NPAS3: variants seen among roughly 807,000 people sequenced by gnomAD.
NPAS3 encodes the protein neuronal PAS domain-containing protein 3.
Under a neutral mutation model 73.1 loss-of-function variants are expected in NPAS3, and 14 were observed. The ratio of observed to expected loss-of-function variants is 0.19; its 90% confidence interval spans 0.13 to 0.30. The LOEUF is 0.30. Among genes scored for constraint, NPAS3 ranks in the 10% least tolerant of loss-of-function variants. NPAS3 has a pLI of 1.00. For synonymous variants in NPAS3, 620 were observed against 541.5 expected (o/e 1.14, Z -2.01); for missense variants, 1,096 against 1,250.0 (o/e 0.88, Z 1.86).
chr14:33,115,970 C>T (rs2043051404), intron 2 of NPAS3, among the ~76,000 whole-genome samples: 1 of 152,036 alleles, frequency 6.6e-6, no homozygotes, highest in African/African-American at 2.4e-5. Context: ...TCCAAGGTCC[C>T]TCACGAGTAC....
chr14:32,997,593 T>G (rs2139533038), intron 1 of NPAS3, among the ~76,000 whole-genome samples: 1 of 152,212 alleles, frequency 6.6e-6, no homozygotes, highest in Middle Eastern at 3.4e-3. Flanking sequence ...GGAGTTTCTC[T>G]GCACAAGCTC....
chr14:33,550,378 A>G (rs2055052470), intron 4 of NPAS3, among the ~76,000 whole-genome samples: 2 of 152,258 alleles, frequency 1.3e-5, no homozygotes, highest in Non-Finnish European at 2.9e-5. Flanking sequence ...GAATTGTTCT[A>G]CTTTGAAGGA....
chr14:32,969,175 A>T (rs1214985335), intron 1 of NPAS3, among the ~76,000 whole-genome samples: 1 of 152,152 alleles, frequency 6.6e-6, no homozygotes, highest in Non-Finnish European at 1.5e-5. Flanking sequence ...GCCACACCAG[A>T]GGCTGCCTGA....
intron 4 of NPAS3, among the ~76,000 whole-genome samples, chr14:33,528,161 T>C (rs2053884682): frequency 1.3e-5 from 2 of 152,038 alleles, no homozygotes; most frequent in Admixed American, 6.6e-5. Flanking sequence ...TTATCTTTTA[T>C]TGTGTGTGTG....
At chr14:32,954,715 G>C (rs1377404841) in intron 1 of NPAS3, among the ~76,000 whole-genome samples, 1 of 151,972 alleles carries the variant, frequency 6.6e-6, no homozygotes, top group African/African-American at 2.4e-5. Flanking sequence ...ACCTCCCATA[G>C]ACATTGTCGG....
intron 6 of NPAS3, among the ~76,000 whole-genome samples, chr14:33,694,761 A>G (rs1293371882): frequency 6.6e-6 from 1 of 152,224 alleles, no homozygotes; most frequent in African/African-American, 2.4e-5. Context: ...TATAGTCAAA[A>G]CAACATCTTT....
intron 3 of NPAS3, among the ~76,000 whole-genome samples, chr14:33,300,031 AC>A (rs2042465723): frequency 1.3e-5 from 2 of 152,166 alleles, no homozygotes; most frequent in South Asian, 4.1e-4. Context: ...TATTTCAGGA[AC>A]CCTGCAAGAC....
intron 3 of NPAS3, among the ~76,000 whole-genome samples, chr14:33,231,451 T>C (rs904106205): frequency 6.6e-6 from 1 of 152,184 alleles, no homozygotes; most frequent in African/African-American, 2.4e-5. Flanking sequence ...CACAAAATTA[T>C]TCATGTTATA....
At chr14:33,412,397 G>C (rs2047968333) in intron 4 of NPAS3, among the ~76,000 whole-genome samples, 1 of 152,152 alleles carries the variant, frequency 6.6e-6, no homozygotes, top group Admixed American at 6.5e-5. Flanking sequence ...TGGGATTACA[G>C]ATGTGAGCCA....
chr14:33,099,414 A>G (rs996587198), intron 2 of NPAS3, among the ~76,000 whole-genome samples: 5 of 152,184 alleles, frequency 3.3e-5, no homozygotes, highest in African/African-American at 4.8e-5. Context: ...GATCCATTCC[A>G]TGGACTCTAT....
intron 3 of NPAS3, among the ~76,000 whole-genome samples, chr14:33,359,938 C>G (rs1394224057): frequency 1.3e-5 from 2 of 152,182 alleles, no homozygotes; most frequent in Admixed American, 1.3e-4. Flanking sequence ...ATTTAAACAA[C>G]AACAGAAGCA....
intron 3 of NPAS3, among the ~76,000 whole-genome samples, chr14:33,304,683 C>T (rs926932290): frequency 5.3e-5 from 8 of 152,008 alleles, no homozygotes; most frequent in Non-Finnish European, 1.5e-5. Flanking sequence ...GCTTAAAATA[C>T]TCATTTCTAA....
intron 5 of NPAS3, among the ~76,000 whole-genome samples, chr14:33,631,070 C>T (rs1399702118): frequency 2.6e-5 from 4 of 152,220 alleles, no homozygotes; most frequent in Non-Finnish European, 5.9e-5. Flanking sequence ...GAGCATCCAG[C>T]TTCTTCCACT....
chr14:33,160,872 T>A (rs2044853220), intron 2 of NPAS3, among the ~76,000 whole-genome samples: 1 of 152,200 alleles, frequency 6.6e-6, no homozygotes, highest in Non-Finnish European at 1.5e-5. Flanking sequence ...CATTTCCAAA[T>A]GAAAAACTCT....
rs530448871 is a variant in NPAS3 at position 33,108,120 on chromosome 14, G to T, written c.140+52126G>T. 7.8e-4 allele frequency among the ~76,000 whole-genome samples: 118 copies of T among 151,396 alleles called. 1 individual carries two copies. In the South Asian group the frequency reaches 0.023, roughly 29 times the overall value. On this transcript the variant is annotated intron_variant, in intron 2 of 11. Transcript: ENST00000356141. ...ATCACTTGAGATAATTCTGTTCTAT[G>T]TGCAAAAAAGCAAAAAAGTAGAATT... is the stretch of plus-strand genomic sequence containing the variant.
chr14:33,328,495 C>T (rs1423820952), intron 3 of NPAS3, among the ~76,000 whole-genome samples: 1 of 81,560 alleles, frequency 1.2e-5, no homozygotes, highest in Non-Finnish European at 2.4e-5. Context: ...GAGACAGAGT[C>T]TCGCTCTGTC....
At chr14:33,245,604 T>C (rs541575939) in intron 3 of NPAS3, among the ~76,000 whole-genome samples, 22 of 152,288 alleles carry the variant, frequency 1.4e-4, no homozygotes, top group African/African-American at 5.3e-4. Context: ...AATTACCAGA[T>C]AGGAATATGA....
chr14:33,263,345 C>T (rs1297442236), intron 3 of NPAS3, among the ~76,000 whole-genome samples: 1 of 152,104 alleles, frequency 6.6e-6, no homozygotes, highest in African/African-American at 2.4e-5. Flanking sequence ...TATGGCTAAC[C>T]AGTTTTCTCA....
chr14:33,209,567 C>T (rs1162901099), intron 2 of NPAS3, among the ~76,000 whole-genome samples: 1 of 152,148 alleles, frequency 6.6e-6, no homozygotes, highest in Non-Finnish European at 1.5e-5. Flanking sequence ...ATGCTGAAGC[C>T]TTTGATGAAT....
Sources: gnomAD v4.1 joint callset for allele counts (sites outside exome capture counted in the v4.1 genomes callset) on GRCh38, gnomAD v4.1.1 for gene constraint, MANE v1.5 for transcripts, NCBI Gene and HGNC (gene_info 2026-07-23, HGNC 2026-07-21) for gene names.